Variants in CPNE4 observed in about 807,000 individuals in gnomAD.
CPNE4 encodes copine 4.
CPNE4 carries 25 observed loss-of-function variants against 67.9 expected under a neutral mutation model. That is an observed-to-expected ratio of 0.37 (90% CI 0.27 to 0.51). CPNE4 has a LOEUF of 0.51. Ranked by LOEUF, CPNE4 falls within the 20% of genes least tolerant of loss-of-function variation. The pLI, the probability that CPNE4 is intolerant of heterozygous loss-of-function variation, is 0.93. For missense variants in CPNE4, 464 were observed against 690.8 expected, an observed-to-expected ratio of 0.67 and a Z score of 3.68; for synonymous variants, 242 against 244.9, an observed-to-expected ratio of 0.99 and a Z score of 0.11.
chr3:131,851,899 T>C (rs1342038108), intron 2 of CPNE4, among the ~76,000 whole-genome samples: 1 of 152,028 alleles, frequency 6.6e-6, no homozygotes, highest in Non-Finnish European at 1.5e-5. Flanking sequence ...CAAAAGATCC[T>C]AAACTAGGAT....
intron 2 of CPNE4, among the ~76,000 whole-genome samples, chr3:131,792,601 A>ATG (rs151272138): frequency 0.061 from 6,571 of 107,004 alleles, 757 homozygotes; most frequent in East Asian, 0.096. Flanking sequence ...ATATATGTAT[A>ATG]TGTGTGTGTG....
chr3:131,906,221 GTTTTGTTT>G (rs2088749549), intron 1 of CPNE4, among the ~76,000 whole-genome samples: 1 of 150,132 alleles, frequency 6.7e-6, no homozygotes, highest in African/African-American at 2.5e-5. Flanking sequence ...TGTTGTTGTT[GTTTTGTTT>G]TGTTTTATTT....
intron 7 of CPNE4, 144 bp from the exon 8 acceptor site, chr3:131,587,726 G>A (rs563997495): frequency 1.6e-6 from 1 of 631,194 alleles, no homozygotes; most frequent in East Asian, 2.8e-5. Flanking sequence ...GGAGCATATG[G>A]GATGTAATTC....
chr3:131,995,915 C>G lies in CPNE4; in HGVS notation c.-2+38652G>C, dbSNP rs989869646. Among the ~76,000 whole-genome samples the G allele has an allele frequency of 1.6e-4, 24 of 152,150 alleles. 1 individual carries two copies. The highest frequency in any genetic ancestry group is 6.5e-4 in the Admixed American group (10 of 15,278). On this transcript the variant is annotated intron_variant, in intron 1 of 15. Coordinates refer to ENST00000429747, the MANE Select transcript of CPNE4 (RefSeq NM_130808.3). ...CCGAACTTGCAGTATTTCATTATATCAAAGAAATGACCAACACCCCTTGGT... is the reference window on the plus strand; with the variant it reads ...CCGAACTTGCAGTATTTCATTATATGAAAGAAATGACCAACACCCCTTGGT...
intron 2 of CPNE4, among the ~76,000 whole-genome samples, chr3:131,884,632 A>T (rs559582787): frequency 2.0e-5 from 3 of 152,278 alleles, no homozygotes; most frequent in Admixed American, 2.0e-4. Flanking sequence ...CTCATCTTGA[A>T]TGGTACTCCC....
intron 2 of CPNE4, among the ~76,000 whole-genome samples, chr3:131,776,419 A>G (rs1583179605): frequency 6.6e-6 from 1 of 152,098 alleles, no homozygotes; most frequent in Non-Finnish European, 1.5e-5. Flanking sequence ...CAACACCCTG[A>G]TGGGAGGCTT....
chr3:131,854,583 A>G (rs2086362999), intron 2 of CPNE4, among the ~76,000 whole-genome samples: 2 of 151,916 alleles, frequency 1.3e-5, no homozygotes, highest in African/African-American at 4.8e-5. Flanking sequence ...AAAATCCCAA[A>G]GAGGAAAAAT....
intron 1 of CPNE4, among the ~76,000 whole-genome samples, chr3:131,930,270 T>G (rs1560620101): frequency 6.6e-6 from 1 of 151,968 alleles, no homozygotes. Flanking sequence ...GTAACCCATA[T>G]GTACAAAGGG....
chr3:131,813,059 T>C (rs1466538494), intron 2 of CPNE4, among the ~76,000 whole-genome samples: 1 of 152,062 alleles, frequency 6.6e-6, no homozygotes, highest in Admixed American at 6.6e-5. Flanking sequence ...GTTAAGAAAA[T>C]TGTATTATAT....
intron 1 of CPNE4, among the ~76,000 whole-genome samples, chr3:131,952,509 C>T (rs572362985): frequency 2.4e-4 from 24 of 98,492 alleles, no homozygotes; most frequent in African/African-American, 5.6e-4. Flanking sequence ...CCGCCCCATC[C>T]GGGAGGGAGG....
At chr3:131,879,006 T>C (rs2087562804) in intron 2 of CPNE4, among the ~76,000 whole-genome samples, 1 of 152,250 alleles carries the variant, frequency 6.6e-6, no homozygotes, top group African/African-American at 2.4e-5. Flanking sequence ...GAACATTCCA[T>C]TGAAAGTACA....
At chr3:131,872,945 T>C (rs2087281172) in intron 2 of CPNE4, among the ~76,000 whole-genome samples, 1 of 151,148 alleles carries the variant, frequency 6.6e-6, no homozygotes. Flanking sequence ...TTATGTGCCC[T>C]GTCTTAATTC....
Position 131,919,334 on chromosome 3 carries a change from G to A in CPNE4, c.-1-13890C>T, listed in dbSNP as rs2070677674. On this transcript the variant is annotated intron_variant, in intron 1 of 15. Coordinates refer to ENST00000429747, the MANE Select transcript of CPNE4 (RefSeq NM_130808.3). ...CTAAGAAAAGGATGGGGAATAACTAGATCGTGGTCAATTCATAAGATGGAA... is the reference window on the plus strand; with the variant it reads ...CTAAGAAAAGGATGGGGAATAACTAAATCGTGGTCAATTCATAAGATGGAA... 3.3e-5 allele frequency among the ~76,000 whole-genome samples: 5 copies of A among 152,270 alleles called. No individual in the cohort carries two copies. The South Asian group carries it at 1.0e-3, about 32-fold the overall frequency.
intron 7 of CPNE4, among the ~76,000 whole-genome samples, chr3:131,625,612 T>G (rs1457328028): frequency 6.6e-6 from 1 of 152,204 alleles, no homozygotes; most frequent in African/African-American, 2.4e-5. Context: ...GCTGGTACAG[T>G]AGTGCCCATT....
At chr3:131,591,425 C>T (rs778605210) in intron 7 of CPNE4, among the ~76,000 whole-genome samples, 1 of 152,138 alleles carries the variant, frequency 6.6e-6, no homozygotes, top group East Asian at 1.9e-4. Flanking sequence ...ATCCCATTCA[C>T]CCCTTCATTG....
chr3:131,593,382 GT>G (rs1331988949), intron 7 of CPNE4, among the ~76,000 whole-genome samples: 1 of 152,024 alleles, frequency 6.6e-6, no homozygotes. Flanking sequence ...CAACTCTTTG[GT>G]TAAGTCTATC....
chr3:131,970,916 C>A (rs1381082), intron 1 of CPNE4, among the ~76,000 whole-genome samples: 1 of 152,124 alleles, frequency 6.6e-6, no homozygotes, highest in Non-Finnish European at 1.5e-5. Flanking sequence ...TGCCCCAAAA[C>A]GTAGTGGGTT....
intron 15 of CPNE4, 125 bp downstream of exon 15, chr3:131,542,432 T>C: frequency 1.3e-6 from 1 of 748,010 alleles, no homozygotes; most frequent in East Asian, 2.4e-5. Context: ...CAAGGGTATG[T>C]AGAGCATAGC....
intron 2 of CPNE4, among the ~76,000 whole-genome samples, chr3:131,886,066 T>C (rs1338921553): frequency 6.6e-6 from 1 of 152,032 alleles, no homozygotes; most frequent in Non-Finnish European, 1.5e-5. Flanking sequence ...CTCCAGGACA[T>C]GTCAGAGATC....
Sources: allele counts gnomAD v4.1 joint callset (sites outside exome capture counted in the v4.1 genomes callset), GRCh38; gene constraint gnomAD v4.1.1; transcripts MANE v1.5; gene names NCBI Gene and HGNC (gene_info 2026-07-23, HGNC 2026-07-21).